ZFPM1: variants seen among roughly 807,000 people sequenced by gnomAD.
ZFPM1 encodes zinc finger protein ZFPM1.
A neutral mutation model predicts 46.3 loss-of-function variants in ZFPM1; 28 were observed. That is an observed-to-expected ratio of 0.60 (90% CI 0.45 to 0.83). ZFPM1 has a LOEUF of 0.83. Among genes scored for constraint, ZFPM1 ranks in the 40% least tolerant of loss-of-function variants. The probability of loss-of-function intolerance (pLI) is 0.00; values close to 1 mark genes in which losing one functional copy is unlikely to be tolerated. For missense variants in ZFPM1, 1,878 were observed against 1,432.4 expected (o/e 1.31, Z -5.02); for synonymous variants, 957 against 675.9 (o/e 1.42, Z -6.45).
At chr16:88,486,282 A>G (rs1228617561) in intron 2 of ZFPM1, among the ~76,000 whole-genome samples, 1 of 152,222 alleles carries the variant, frequency 6.6e-6, no homozygotes, top group East Asian at 1.9e-4. Flanking sequence ...TCCAGCCCTC[A>G]TACAAATGAG....
intron 7 of ZFPM1, 81 bp downstream of exon 7, chr16:88,532,316 A>C (rs1912853415): frequency 1.5e-6 from 2 of 1,315,002 alleles, no homozygotes. Context: ...GGGAAAACCC[A>C]CATGCAAGCA....
At position 88,534,377 on chromosome 16, in the gene ZFPM1, GGA is replaced by G; in HGVS notation, c.2421_2422del (p.Ala808ProfsTer268). 1 of 1,449,474 alleles carries G rather than the reference GGA, an allele frequency of 6.9e-7. No individual in the cohort carries two copies. Among genetic ancestry groups the G allele is most frequent in the Non-Finnish European group, 9.0e-7 (1 of 1,105,542 alleles). 89.8% of individuals were successfully genotyped at this position (1,449,474 alleles called of 1,614,324 possible). A position where few individuals can be genotyped will look rare whatever the true frequency, so the allele number is the denominator to read the frequency against. On this transcript the variant is annotated frameshift_variant, in exon 10 of 10. Transcript: ENST00000319555. LOFTEE classifies it low-confidence loss of function (END_TRUNC). Reference protein sequence around the residue: ...LSKKPRRPLPGAPAPALADYH... With the variant: ...LSKKPRRPLPXAPAPALADYH... Reference sequence around the variant, plus strand: ...CAAGAAGCCGCGGCGCCCGCTCCCCGGAGCCCCGGCACCGGCGCTGGCCGACT... The same window carrying G: ...CAAGAAGCCGCGGCGCCCGCTCCCCGGCCCCGGCACCGGCGCTGGCCGACT...
In ZFPM1 at chr16:88,483,262, CCGG is replaced by C. The variant is rs1342600444; in HGVS notation, c.41-2676_41-2674del. Among the ~76,000 whole-genome samples, 549 of 151,780 alleles carry C rather than the reference CCGG, an allele frequency of 3.6e-3. 4 individuals are homozygous for C. Among genetic ancestry groups the C allele is most frequent in the African/African-American group, 0.013 (527 of 41,360 alleles). ...CCTGTCCAGGACCCCCCATGGCTCC[CCGG>C]TGGCACCTGCCCCTCCTGTCCAGGA... is the stretch of plus-strand genomic sequence containing the variant. On this transcript the variant is annotated intron_variant, in intron 1 of 9. Transcript: ENST00000319555.
Position 88,534,225 on chromosome 16 carries a change from C to G in ZFPM1, c.2267C>G (p.Pro756Arg). The change falls in exon 10 of 10, where the codon CCC becomes CGC. Residue 756 changes from proline (P) to arginine (R), a missense_variant. Pro to Arg is a moderately radical substitution (Grantham distance 103). Coordinates refer to ENST00000319555, the MANE Select transcript of ZFPM1 (RefSeq NM_153813.3). ...LYELHAAGAPPPPPPGHAPAP... is the reference protein window; with the variant it reads ...LYELHAAGAPRPPPPGHAPAP... ...GAGCTGCACGCGGCCGGCGCCCCGCCCCCCCCGCCGCCCGGCCACGCCCCC... is the reference window on the plus strand; with the variant it reads ...GAGCTGCACGCGGCCGGCGCCCCGCGCCCCCCGCCGCCCGGCCACGCCCCC... The G allele has an allele frequency of 1.0e-6, 1 of 983,854 alleles. No homozygotes were observed. The highest frequency in any genetic ancestry group is 1.2e-6 in the Non-Finnish European group (1 of 830,418). The allele number at this position is 983,854 out of a possible 1,614,324, so 60.9% of individuals were successfully genotyped here. A position where few individuals can be genotyped will look rare whatever the true frequency, so the allele number is the denominator to read the frequency against.
intron 4 of ZFPM1, among the ~76,000 whole-genome samples, chr16:88,521,258 T>C (rs373927819): frequency 1.3e-5 from 2 of 151,560 alleles, no homozygotes; most frequent in Non-Finnish European, 2.9e-5. Context: ...CCCTCCTCCG[T>C]GCTGTGAAAA....
chr16:88,515,567 C>T (rs1416631284), intron 4 of ZFPM1, among the ~76,000 whole-genome samples: 1 of 152,238 alleles, frequency 6.6e-6, no homozygotes, highest in Non-Finnish European at 1.5e-5. Context: ...GCACCCCTGT[C>T]TGCCAGGGCA....
intron 4 of ZFPM1, among the ~76,000 whole-genome samples, chr16:88,515,098 T>G (rs945124546): frequency 1.3e-5 from 2 of 152,230 alleles, no homozygotes; most frequent in East Asian, 1.9e-4. Context: ...CTCCAACTTA[T>G]GACAAGTCAG....
At position 88,533,834 on chromosome 16, in the gene ZFPM1, C is replaced by A; in HGVS notation, c.1876C>A (p.Pro626Thr). 1.0e-6 allele frequency: 1 copy of A among 989,882 alleles called. No individual in the cohort carries two copies. Among genetic ancestry groups the A allele is most frequent in the Non-Finnish European group, 1.2e-6 (1 of 832,340 alleles). The allele number at this position is 989,882 out of a possible 1,614,324, so 61.3% of individuals were successfully genotyped here. A position where few individuals can be genotyped will look rare whatever the true frequency, so the allele number is the denominator to read the frequency against. ...GCCCCCCGGCCCGGCCCGCGCGCCC[C>A]CCGGCCAGCCCGCCGAACCCGACGC... ...KAPPGPARAP[P>T]GQPAEPDAPR... The change falls in exon 10 of 10, where the codon CCC becomes ACC. Residue 626 changes from proline (P) to threonine (T), a missense_variant. Coordinates refer to ENST00000319555, the MANE Select transcript of ZFPM1 (RefSeq NM_153813.3).
At chr16:88,483,129 C>T (rs1909032858) in intron 1 of ZFPM1, among the ~76,000 whole-genome samples, 1 of 152,100 alleles carries the variant, frequency 6.6e-6, no homozygotes, top group Non-Finnish European at 1.5e-5. Flanking sequence ...TGGTCTGAGC[C>T]CAGCCCCCTC....
intron 3 of ZFPM1, among the ~76,000 whole-genome samples, chr16:88,513,721 C>T (rs571026229): frequency 6.6e-6 from 1 of 152,336 alleles, no homozygotes; most frequent in Admixed American, 6.5e-5. Context: ...TGTCCTTGCA[C>T]AGCCCGGAGG....
At chr16:88,522,792 G>A (rs894104431) in intron 4 of ZFPM1, among the ~76,000 whole-genome samples, 1 of 152,212 alleles carries the variant, frequency 6.6e-6, no homozygotes, top group South Asian at 2.1e-4. Context: ...GTGGACCCTG[G>A]ACACACCTGC....
intron 1 of ZFPM1, among the ~76,000 whole-genome samples, chr16:88,461,015 TGGGGCGGGAGGCCTGGTGAGGACCGA>T (rs1567525537): frequency 3.1e-3 from 25 of 8,186 alleles, no homozygotes; most frequent in African/African-American, 0.011. Flanking sequence ...GACCGAGGGG[TGGGGCGGGAGGCCTGGTGAGGACCGA>T]GGGGCGGGAG....
intron 3 of ZFPM1, among the ~76,000 whole-genome samples, chr16:88,496,341 G>C (rs879369339): frequency 3.2e-4 from 49 of 152,240 alleles, no homozygotes; most frequent in Admixed American, 1.4e-3. Flanking sequence ...AGGCTGGATA[G>C]GAGAGGGAGG....
intron 1 of ZFPM1, among the ~76,000 whole-genome samples, chr16:88,476,281 C>G (rs1032860727): frequency 1.3e-5 from 2 of 152,188 alleles, no homozygotes; most frequent in Non-Finnish European, 2.9e-5. Context: ...AGCCACACCC[C>G]CCTCCAAGCC....
intron 3 of ZFPM1, among the ~76,000 whole-genome samples, chr16:88,489,804 G>T (rs539500192): frequency 2.0e-4 from 30 of 152,334 alleles, no homozygotes; most frequent in Admixed American, 1.6e-3. Context: ...ATTTATGAAC[G>T]CAGGAAATAC....
intron 4 of ZFPM1, among the ~76,000 whole-genome samples, chr16:88,525,121 G>A (rs551937989): frequency 1.3e-5 from 2 of 152,380 alleles, no homozygotes; most frequent in East Asian, 3.9e-4. Context: ...GTGCCCTGCG[G>A]ATGGGCCAAG....
intron 4 of ZFPM1, chr16:88,516,413 G>A (rs111490892): frequency 0.013 from 5,253 of 397,808 alleles, 47 homozygotes; most frequent in Middle Eastern, 0.018. Flanking sequence ...GGGAGATAAC[G>A]TCTGGGGGCA....
chr16:88,497,863 C>T lies in ZFPM1; in HGVS notation c.268+8710C>T, dbSNP rs1452933977. 2.6e-5 allele frequency among the ~76,000 whole-genome samples: 4 copies of T among 152,146 alleles called. No homozygotes were observed. The highest frequency in any genetic ancestry group is 1.9e-4 in the East Asian group (1 of 5,172). On this transcript the variant is annotated intron_variant, in intron 3 of 9. Coordinates refer to ENST00000319555, the MANE Select transcript of ZFPM1 (RefSeq NM_153813.3). This position sits in a 1 kb window ranked among gnomAD's most constrained non-coding sequence, Gnocchi z 5.4. ...CCGAGCTCCATCTGACTAATCTCGC[C>T]GGCGGAGCGTCTACGCAAACCTCAA...
chr16:88,458,680 CGGGG>C (rs1424026141), intron 1 of ZFPM1, among the ~76,000 whole-genome samples: 1 of 152,192 alleles, frequency 6.6e-6, no homozygotes, highest in Admixed American at 6.5e-5. Context: ...CGGCCACACT[CGGGG>C]CCCTGGTGGG....
Sources: allele counts gnomAD v4.1 joint callset (sites outside exome capture counted in the v4.1 genomes callset), GRCh38; gene constraint gnomAD v4.1.1; non-coding constraint Gnocchi (gnomAD v3.1); transcripts MANE v1.5; gene names NCBI Gene and HGNC (gene_info 2026-07-23, HGNC 2026-07-21).